PTGER1: variants seen among roughly 807,000 people sequenced by gnomAD.
The protein encoded by PTGER1 is prostaglandin E2 receptor EP1 subtype.
A neutral mutation model predicts 18.5 loss-of-function variants in PTGER1; 15 were observed. The ratio of observed to expected loss-of-function variants is 0.81; its 90% CI spans 0.54 to 1.25. PTGER1 has a LOEUF of 1.25. Among genes scored for constraint, PTGER1 ranks in the 50% most tolerant of loss-of-function variants. The probability of loss-of-function intolerance (pLI) is 0.00; values close to 1 mark genes in which losing one functional copy is unlikely to be tolerated. For missense variants in PTGER1, 567 were observed against 603.4 expected (o/e 0.94, Z 0.63); for synonymous variants, 339 against 308.4 (o/e 1.10, Z -1.04).
rs1400645290 is a variant in PTGER1 at position 14,474,754 on chromosome 19, T to C, written c.-17-417A>G. Reference sequence around the variant, plus strand: ...TTCTGCCACTGTGGCCCTACCTGACTTTCCCCATGTCAGCTTTACTCCAGT... The same window carrying C: ...TTCTGCCACTGTGGCCCTACCTGACCTTCCCCATGTCAGCTTTACTCCAGT... On this transcript the variant is annotated intron_variant, in intron 1 of 2. Transcript: ENST00000292513. The surrounding 1 kb of genome is among the most constrained non-coding windows in gnomAD (Gnocchi z 5.4). Among the ~76,000 whole-genome samples the C allele has an allele frequency of 6.6e-6, 1 of 152,070 alleles. No individual in the cohort carries two copies. The highest frequency in any genetic ancestry group is 1.5e-5 in the Non-Finnish European group (1 of 68,008).
Position 14,473,712 on chromosome 19 carries a change from A to G in PTGER1, c.609T>C (p.Leu203=). 1 of 1,471,378 alleles carries G rather than the reference A, an allele frequency of 6.8e-7. No individual in the cohort carries two copies. The highest frequency in any genetic ancestry group is 2.4e-5 in the Admixed American group (1 of 42,550). 91.1% of individuals were successfully genotyped at this position (1,471,378 alleles called of 1,614,324 possible). A position where few individuals can be genotyped will look rare whatever the true frequency, so the allele number is the denominator to read the frequency against. Residue 203 remains leucine (L), a synonymous_variant, in exon 2 of 3, where the codon CTT becomes CTC. Coordinates refer to ENST00000292513, the MANE Select transcript of PTGER1 (RefSeq NM_000955.3). The surrounding 1 kb of genome is among the most constrained non-coding windows in gnomAD (Gnocchi z 7.1). ...GPPGGWRQAL[L]AGLFASLGLV... ...GGCCGAGGCTGGCGAAGAGGCCAGC[A>G]AGCAGTGCCTGGCGCCAGCCGCCCG...
At position 14,473,047 on chromosome 19, in the gene PTGER1, G is replaced by A. The variant is rs10419728; in HGVS notation, c.943-221C>T. On this transcript the variant is annotated intron_variant, in intron 2 of 2. Coordinates refer to ENST00000292513, the MANE Select transcript of PTGER1 (RefSeq NM_000955.3). The surrounding 1 kb of genome is among the most constrained non-coding windows in gnomAD (Gnocchi z 7.1). Reference sequence around the variant, plus strand: ...GTCCGGCCGTAGAGGAGTCTCAGGTGTCCCGGAAAGAGGAAAAGCAAGGGG... The same window carrying A: ...GTCCGGCCGTAGAGGAGTCTCAGGTATCCCGGAAAGAGGAAAAGCAAGGGG... Among the ~76,000 whole-genome samples, 15,633 of 152,016 alleles carry A rather than the reference G, an allele frequency of 0.1. 2,641 individuals carry two copies. Among genetic ancestry groups the A allele is most frequent in the African/African-American group, 0.35 (14,644 of 41,348 alleles).
At position 14,473,943 on chromosome 19, in the gene PTGER1, C is replaced by T. The variant is rs2071590937; in HGVS notation, c.378G>A (p.Leu126=). The T allele has an allele frequency of 1.0e-5, 15 of 1,474,268 alleles. No homozygotes were observed. The highest frequency in any genetic ancestry group is 1.3e-5 in the Non-Finnish European group (14 of 1,117,450). 91.3% of individuals were successfully genotyped at this position (1,474,268 alleles called of 1,614,324 possible). A position where few individuals can be genotyped will look rare whatever the true frequency, so the allele number is the denominator to read the frequency against. The part of the protein sequence containing the change: ...CMVFFGLCPL[L]LGCGMAVERC... ...GCTCCACGGCCATGCCACAGCCCAG[C>T]AGCAGCGGGCACAGGCCGAAGAAGA... Residue 126 remains leucine, a synonymous_variant, in exon 2 of 3, where the codon CTG becomes CTA. Transcript: ENST00000292513. The surrounding 1 kb of genome is among the most constrained non-coding windows in gnomAD (Gnocchi z 7.1).
chr19:14,473,804 G>T lies in PTGER1; in HGVS notation c.517C>A (p.Leu173Met). The part of the protein sequence containing the change: ...AVALAVALLP[L>M]ARVGRYELQY... ...AGCTCATAGCGGCCCACGCGCGCCA[G>T]CGGCAGCAGCGCCACGGCCAAGGCC... Residue 173 changes from leucine (L) to methionine (M), a missense_variant, in exon 2 of 3, where the codon CTG becomes ATG. Physicochemically the swap from Leu to Met is conservative, Grantham distance 15. Transcript: ENST00000292513. This position sits in a 1 kb window ranked among gnomAD's most constrained non-coding sequence, Gnocchi z 7.1. 2.1e-6 allele frequency: 3 copies of T among 1,405,978 alleles called. No individual in the cohort carries two copies. The highest frequency in any genetic ancestry group is 2.8e-6 in the Non-Finnish European group (3 of 1,079,580). 87.1% of individuals were successfully genotyped at this position (1,405,978 alleles called of 1,614,324 possible). A position where few individuals can be genotyped will look rare whatever the true frequency, so the allele number is the denominator to read the frequency against.
At position 14,474,110 on chromosome 19, in the gene PTGER1, C is replaced by T. The variant is rs1057362; in HGVS notation, c.211G>A (p.Ala71Thr). 2.1e-6 allele frequency: 3 copies of T among 1,445,438 alleles called. No individual in the cohort carries two copies. Among genetic ancestry groups the T allele is most frequent in the African/African-American group, 1.5e-5 (1 of 66,460 alleles). The allele number at this position is 1,445,438 out of a possible 1,614,324, so 89.5% of individuals were successfully genotyped here. ...AGRLRRRRSA[A>T]TFLLFVASLL... Reference sequence around the variant, plus strand: ...CTGGCCACGAACAGCAGGAAGGTGGCGGCCGAGCGGCGGCGTCGCAGGCGG... The same window carrying T: ...CTGGCCACGAACAGCAGGAAGGTGGTGGCCGAGCGGCGGCGTCGCAGGCGG... The change falls in exon 2 of 3, where the codon GCC (alanine) becomes ACC (threonine). Residue 71 changes from alanine to threonine, a missense_variant. Physicochemically the swap from Ala to Thr is moderately conservative, Grantham distance 58. Transcript: ENST00000292513. This position sits in a 1 kb window ranked among gnomAD's most constrained non-coding sequence, Gnocchi z 5.4.
chr19:14,473,500 G>A lies in PTGER1; in HGVS notation c.821C>T (p.Thr274Ile), dbSNP rs780042476. 2 of 1,582,286 alleles carry A rather than the reference G, an allele frequency of 1.3e-6. No individual in the cohort carries two copies. Among genetic ancestry groups the A allele is most frequent in the Non-Finnish European group, 1.7e-6 (2 of 1,168,028 alleles). The change falls in exon 2 of 3, where the codon ACC becomes ATC. Residue 274 changes from threonine to isoleucine, a missense_variant. Thr to Ile is a moderately conservative substitution (Grantham distance 89, BLOSUM62 -1). Coordinates refer to ENST00000292513, the MANE Select transcript of PTGER1 (RefSeq NM_000955.3). This position sits in a 1 kb window ranked among gnomAD's most constrained non-coding sequence, Gnocchi z 7.1. ...GCTGCTCCGAGAGCCGCCAAAGAAG[G>A]TGGAGGCCGAAGCGATGGACGAGGC... ...SSASSIASAS[T>I]FFGGSRSSGS...
rs1229394302 is a variant in PTGER1 at position 14,473,871 on chromosome 19, C to G, written c.450G>C (p.Ser150=). The change falls in exon 2 of 3, where the codon TCG becomes TCC. Residue 150 remains serine, a synonymous_variant. Transcript: ENST00000292513. The surrounding 1 kb of genome is among the most constrained non-coding windows in gnomAD (Gnocchi z 7.1). ...TRPLLHAARV[S]VARARLALAA... ...CCAGCGCCAGGCGCGCGCGGGCGAC[C>G]GAGACCCGCGCGGCGTGGAGCAGCG... The G allele has an allele frequency of 2.4e-6, 3 of 1,254,774 alleles. No individual in the cohort carries two copies. The highest frequency in any genetic ancestry group is 8.7e-5 in the Admixed American group (2 of 22,976). The allele number at this position is 1,254,774 out of a possible 1,614,324, so 77.7% of individuals were successfully genotyped here.
rs1372846434 is a variant in PTGER1 at position 14,474,368 on chromosome 19, C to T, written c.-17-31G>A. 1.4e-6 allele frequency: 2 copies of T among 1,453,630 alleles called. No individual in the cohort carries two copies. The highest frequency in any genetic ancestry group is 2.8e-5 in the East Asian group (1 of 35,302). The allele number at this position is 1,453,630 out of a possible 1,614,324, so 90.0% of individuals were successfully genotyped here. ...TAGAGGAGAGGAGGGCAGAGTGAGG[C>T]TGGCTGGGCCCGGGCGGGGACCAGC... On this transcript the variant is annotated intron_variant, in intron 1 of 2. Transcript: ENST00000292513. The surrounding 1 kb of genome is among the most constrained non-coding windows in gnomAD (Gnocchi z 5.4).
chr19:14,472,934 T>C, intron 2 of PTGER1, 108 bp from the exon 3 acceptor site: 9 of 1,131,620 alleles, frequency 8.0e-6, no homozygotes, highest in Non-Finnish European at 1.1e-5. Flanking sequence ...GGGCGAGCCG[T>C]CGCAGGGAGG....
rs749435241 is a variant in PTGER1, at chr19:14,473,400, G to A, written c.921C>T (p.Cys307=). The change falls in exon 2 of 3, where the codon TGC becomes TGT. Residue 307 remains cysteine, a synonymous_variant. Coordinates refer to ENST00000292513, the MANE Select transcript of PTGER1 (RefSeq NM_000955.3). The surrounding 1 kb of genome is among the most constrained non-coding windows in gnomAD (Gnocchi z 7.1). ...TCACCAGCATTGGGCTCCAGCAGAT[G>A]CACGACACCACCATGATACCGACAA... The part of the protein sequence containing the change: ...GQLVGIMVVS[C]ICWSPMLVLV... 4 of 1,594,680 alleles carry A rather than the reference G, an allele frequency of 2.5e-6. No homozygotes were observed. The South Asian group carries it at 4.5e-5, about 18-fold the overall frequency.
intron 2 of PTGER1, 124 bp from the exon 3 acceptor site, chr19:14,472,950 T>G: frequency 2.1e-6 from 2 of 960,808 alleles, no homozygotes; most frequent in Non-Finnish European, 1.5e-6. Flanking sequence ...GGAGGGTAAA[T>G]GGGGATCCAG....
At position 14,474,389 on chromosome 19, in the gene PTGER1, C is replaced by T; in HGVS notation, c.-17-52G>A. 1 of 1,421,108 alleles carries T rather than the reference C, an allele frequency of 7.0e-7. No homozygotes were observed. Among genetic ancestry groups the T allele is most frequent in the East Asian group, 2.9e-5 (1 of 34,294 alleles). The allele number at this position is 1,421,108 out of a possible 1,614,324, so 88.0% of individuals were successfully genotyped here. A position where few individuals can be genotyped will look rare whatever the true frequency, so the allele number is the denominator to read the frequency against. The stretch of plus-strand genomic sequence containing the variant: ...GAGGCTGGCTGGGCCCGGGCGGGGA[C>T]CAGCCCACGGTGCCATCTCAGAACA... On this transcript the variant is annotated intron_variant, in intron 1 of 2. Transcript: ENST00000292513. The surrounding 1 kb of genome is among the most constrained non-coding windows in gnomAD (Gnocchi z 5.4).
Position 14,473,937 on chromosome 19 carries a change from G to T in PTGER1, c.384C>A (p.Gly128=), listed in dbSNP as rs1187980633. The change falls in exon 2 of 3, where the codon GGC becomes GGA. Residue 128 remains glycine (G), a synonymous_variant. Transcript: ENST00000292513. This position sits in a 1 kb window ranked among gnomAD's most constrained non-coding sequence, Gnocchi z 7.1. ...CGCAGCGCTCCACGGCCATGCCACA[G>T]CCCAGCAGCAGCGGGCACAGGCCGA... ...VFFGLCPLLL[G]CGMAVERCVG... is the part of the protein sequence containing the mutation. 2 of 1,471,326 alleles carry T rather than the reference G, an allele frequency of 1.4e-6. No homozygotes were observed. The highest frequency in any genetic ancestry group is 3.0e-5 in the East Asian group (1 of 32,936). 91.1% of individuals were successfully genotyped at this position (1,471,326 alleles called of 1,614,324 possible). A position where few individuals can be genotyped will look rare whatever the true frequency, so the allele number is the denominator to read the frequency against.
At position 14,474,171 on chromosome 19, in the gene PTGER1, GT is replaced by G; in HGVS notation, c.149del (p.Asn50ThrfsTer40). 6.7e-7 allele frequency: 1 copy of G among 1,497,964 alleles called. No individual in the cohort carries two copies. The highest frequency in any genetic ancestry group is 8.8e-7 in the Non-Finnish European group (1 of 1,130,978). The allele number at this position is 1,497,964 out of a possible 1,614,324, so 92.8% of individuals were successfully genotyped here. ...GCGCCAGCAGCGCCAGCGCCAGCAG[GT>G]TGGACACGGCGCCCAGCGTCATGGA... ...IFSMTLGAVS[N>X]LLALALLAQA... On this transcript the variant is annotated frameshift_variant, in exon 2 of 3. Transcript: ENST00000292513. LOFTEE classifies it high-confidence loss of function. The surrounding 1 kb of genome is among the most constrained non-coding windows in gnomAD (Gnocchi z 5.4).
Position 14,474,144 on chromosome 19 carries a change from C to A in PTGER1, c.177G>T (p.Gln59His). The A allele has an allele frequency of 6.9e-7, 1 of 1,447,112 alleles. No homozygotes were observed. Among genetic ancestry groups the A allele is most frequent in the Admixed American group, 3.0e-5 (1 of 33,648 alleles). The allele number at this position is 1,447,112 out of a possible 1,614,324, so 89.6% of individuals were successfully genotyped here. The change falls in exon 2 of 3, where the codon CAG (glutamine) becomes CAT (histidine). Residue 59 changes from glutamine to histidine, a missense_variant. Transcript: ENST00000292513. The surrounding 1 kb of genome is among the most constrained non-coding windows in gnomAD (Gnocchi z 5.4). ...SNLLALALLA[Q>H]AAGRLRRRRS... ...GGCGGCGTCGCAGGCGGCCCGCGGC[C>A]TGCGCCAGCAGCGCCAGCGCCAGCA...
At position 14,472,812 on chromosome 19, in the gene PTGER1, C is replaced by A; in HGVS notation, c.957G>T (p.Leu319=). 6.4e-7 allele frequency: 1 copy of A among 1,554,216 alleles called. No individual in the cohort carries two copies. Among genetic ancestry groups the A allele is most frequent in the Non-Finnish European group, 8.7e-7 (1 of 1,151,764 alleles). ...CWSPMLVLVA[L]AVGGWSSTSL... ...AGGTAGAGCTCCAGCCGCCGACGGC[C>A]AGCGCCACCAACACCTGCGGGGGAA... The change falls in exon 3 of 3, where the codon CTG becomes CTT. Residue 319 remains leucine (L), a synonymous_variant. Transcript: ENST00000292513.
At position 14,473,606 on chromosome 19, in the gene PTGER1, G is replaced by A. The variant is rs1468724728; in HGVS notation, c.715C>T (p.Arg239Ter). The change falls in exon 2 of 3, where the codon CGA (arginine) becomes TGA (stop). Residue 239 changes from arginine (R) to a stop codon, truncating the protein, a stop_gained. Transcript: ENST00000292513. LOFTEE classifies it high-confidence loss of function. The surrounding 1 kb of genome is among the most constrained non-coding windows in gnomAD (Gnocchi z 7.1). ...GGGCCTGAGGCCGGGGGAGGCCGTC[G>A]GGAGCGGCGTCGCCAGCGGGCGCGT... ...LLRARWRRRS[R>*]RPPPASGPDS... 2 of 1,463,434 alleles carry A rather than the reference G, an allele frequency of 1.4e-6. No homozygotes were observed. The highest frequency in any genetic ancestry group is 2.8e-5 in the East Asian group (1 of 35,434). The allele number at this position is 1,463,434 out of a possible 1,614,324, so 90.7% of individuals were successfully genotyped here. A position where few individuals can be genotyped will look rare whatever the true frequency, so the allele number is the denominator to read the frequency against.
chr19:14,474,225 C>G lies in PTGER1; in HGVS notation c.96G>C (p.Ser32=). The G allele has an allele frequency of 6.5e-7, 1 of 1,526,940 alleles. No homozygotes were observed. The highest frequency in any genetic ancestry group is 8.8e-7 in the Non-Finnish European group (1 of 1,142,804). The allele number at this position is 1,526,940 out of a possible 1,614,324, so 94.6% of individuals were successfully genotyped here. ...AGATGGGCAGCGCGGGCGAAGCGCC[C>G]GACGGCGGCACGGCCGACGTGTTGG... ...WVPNTSAVPP[S]GASPALPIFS... The change falls in exon 2 of 3, where the codon TCG becomes TCC. Residue 32 remains serine, a synonymous_variant. Transcript: ENST00000292513. The surrounding 1 kb of genome is among the most constrained non-coding windows in gnomAD (Gnocchi z 5.4).
intron 1 of PTGER1, 63 bp downstream of exon 1, chr19:14,475,199 T>G (rs952258818): frequency 2.0e-5 from 3 of 153,130 alleles, no homozygotes; most frequent in African/African-American, 7.2e-5. Context: ...CAGGTGGCCA[T>G]GGCCCCACCC....
Sources: gnomAD v4.1 joint callset for allele counts (sites outside exome capture counted in the v4.1 genomes callset) on GRCh38, gnomAD v4.1.1 for gene constraint, Gnocchi (gnomAD v3.1) non-coding constraint, MANE v1.5 for transcripts, NCBI Gene and HGNC (gene_info 2026-07-23, HGNC 2026-07-21) for gene names.